Variants in TBPL2 observed in about 807,000 individuals in gnomAD.
TBPL2 encodes TATA box-binding protein-like 2.
A neutral mutation model predicts 38.2 loss-of-function variants in TBPL2; 40 were observed. That is an observed-to-expected ratio of 1.05 (90% CI 0.81 to 1.36). The LOEUF (loss-of-function observed/expected upper bound fraction) is 1.36. Ranked by LOEUF, TBPL2 falls within the 40% of genes most tolerant of loss-of-function variation. The pLI is 0.00. For synonymous variants in TBPL2, 169 were observed against 171.7 expected, an observed-to-expected ratio of 0.98 and a Z score of 0.12; for missense variants, 461 against 456.7, an observed-to-expected ratio of 1.01 and a Z score of -0.09.
exon 7 of TBPL2, chr14:55,414,424 T>G: frequency 6.2e-7 from 1 of 1,609,092 alleles, no homozygotes; most frequent in Non-Finnish European, 8.5e-7. Flanking sequence ...TGTTTTCAAA[T>G]GCTTCATAGA....
rs554024000 is a variant in TBPL2, at chr14:55,414,444, G to A, written c.1063C>T (p.Arg355Cys). 3.7e-6 allele frequency: 6 copies of A among 1,604,254 alleles called. No individual in the cohort carries two copies. In the Admixed American group the frequency reaches 5.1e-5, roughly 14 times the overall value. ...TCAAATGCTTCATAGATCTCAGAAC[G>A]TTCTTTGGCACCTATAAAGAAATCC... The change falls in exon 7 of 7, where the codon CGT (arginine) becomes TGT (cysteine). Residue 355 changes from arginine to cysteine, a missense_variant. By Grantham distance (180) the Arg-to-Cys change is radical. Coordinates refer to ENST00000247219, the Ensembl canonical transcript of TBPL2.
chr14:55,432,497 A>C (rs1246698263), intron 4 of TBPL2, among the ~76,000 whole-genome samples: 2 of 150,168 alleles, frequency 1.3e-5, no homozygotes, highest in East Asian at 3.9e-4. Context: ...AAATATTTAC[A>C]GTATAAAATG....
intron 5 of TBPL2, 101 bp downstream of exon 5, chr14:55,428,706 T>A: frequency 7.6e-7 from 1 of 1,322,638 alleles, no homozygotes; most frequent in South Asian, 1.5e-5. Flanking sequence ...GCCTTTTTTT[T>A]TTTAATCACA....
intron 5 of TBPL2, among the ~76,000 whole-genome samples, chr14:55,424,895 G>A (rs1224837353): frequency 1.3e-5 from 2 of 152,200 alleles, no homozygotes; most frequent in Admixed American, 6.5e-5. Flanking sequence ...GCCTGGAGAG[G>A]AGGGCAGATT....
intron 6 of TBPL2, among the ~76,000 whole-genome samples, chr14:55,423,833 G>C (rs1276131037): frequency 6.6e-6 from 1 of 152,146 alleles, no homozygotes; most frequent in Non-Finnish European, 1.5e-5. Context: ...GTTAACCCCT[G>C]TGTTAGGACC....
chr14:55,421,282 T>G (rs1885740719), intron 6 of TBPL2, among the ~76,000 whole-genome samples: 1 of 152,146 alleles, frequency 6.6e-6, no homozygotes, highest in African/African-American at 2.4e-5. Flanking sequence ...GCCTCTGATA[T>G]CTACACTATT....
In TBPL2 at chr14:55,422,487, A is replaced by G. The variant is rs114700083; in HGVS notation, c.1051+1672T>C. ...GCTCATCTTGAACTCCTGACCTCAT[A>G]ATTCGCCTGCCTCGGCCTCCCGAAG... On this transcript the variant is annotated intron_variant, in intron 6 of 6. Transcript: ENST00000247219. Among the ~76,000 whole-genome samples, 1,313 of 152,030 alleles carry G rather than the reference A, an allele frequency of 8.6e-3. 17 individuals are homozygous for G. The highest frequency in any genetic ancestry group is 0.03 in the African/African-American group (1,241 of 41,460).
chr14:55,420,509 AGAT>A (rs66506675), intron 6 of TBPL2, among the ~76,000 whole-genome samples: 14,217 of 152,254 alleles, frequency 0.093, 669 homozygotes, highest in South Asian at 0.11. Flanking sequence ...AAACGCCAAG[AGAT>A]GATAATTATT....
exon 2 of TBPL2, chr14:55,436,821 A>G: frequency 1.2e-6 from 2 of 1,614,234 alleles, no homozygotes; most frequent in Non-Finnish European, 1.7e-6. Context: ...CGTGTTTGCT[A>G]ATGACAGGCT....
chr14:55,430,774 C>A (rs183895594), intron 4 of TBPL2, among the ~76,000 whole-genome samples: 73 of 152,364 alleles, frequency 4.8e-4, no homozygotes, highest in African/African-American at 1.7e-3. Flanking sequence ...ACCCACTTCT[C>A]ACTCTTGAAA....
intron 6 of TBPL2, among the ~76,000 whole-genome samples, chr14:55,422,790 T>C (rs1001778362): frequency 2.0e-5 from 3 of 151,832 alleles, no homozygotes; most frequent in African/African-American, 7.3e-5. Flanking sequence ...GAGGTGGAGG[T>C]TGCAGTGAGC....
exon 7 of TBPL2, chr14:55,414,426 C>T: frequency 1.2e-6 from 2 of 1,608,154 alleles, no homozygotes; most frequent in Non-Finnish European, 1.7e-6. Context: ...TTTTCAAATG[C>T]TTCATAGATC....
intron 6 of TBPL2, among the ~76,000 whole-genome samples, chr14:55,421,338 G>A (rs1403730420): frequency 1.3e-5 from 2 of 152,148 alleles, no homozygotes; most frequent in East Asian, 1.9e-4. Context: ...GACATGTAGA[G>A]GTAAACTTTA....
At position 55,426,713 on chromosome 14, in the gene TBPL2, TAAAAA is replaced by T. The variant is rs112962777; in HGVS notation, c.956+2089_956+2093del. 2.5e-4 allele frequency among the ~76,000 whole-genome samples: 37 copies of T among 145,846 alleles called. 4 individuals are homozygous for T. Among genetic ancestry groups the T allele is most frequent in the Admixed American group, 1.4e-3 (21 of 14,918 alleles). On this transcript the variant is annotated intron_variant, in intron 5 of 6. Coordinates refer to ENST00000247219, the Ensembl canonical transcript of TBPL2. The stretch of plus-strand genomic sequence containing the variant: ...TACAAAGCAAGCTTCCTGGCCAGAT[TAAAAA>T]AAAAAAAAGAAAAGAAAAGAAAAGA...
At chr14:55,437,897 T>C (rs1886041399) in intron 1 of TBPL2, among the ~76,000 whole-genome samples, 1 of 152,252 alleles carries the variant, frequency 6.6e-6, no homozygotes, top group South Asian at 2.1e-4. Flanking sequence ...AAAAAAGTTA[T>C]TGAAACTTAA....
At chr14:55,419,289 A>G (rs914182893) in intron 6 of TBPL2, among the ~76,000 whole-genome samples, 3 of 152,238 alleles carry the variant, frequency 2.0e-5, no homozygotes, top group Admixed American at 6.5e-5. Context: ...ACTTAGGTAT[A>G]AAGTACAACT....
intron 3 of TBPL2, among the ~76,000 whole-genome samples, chr14:55,435,294 T>C (rs1223889143): frequency 6.6e-6 from 1 of 151,660 alleles, no homozygotes; most frequent in Non-Finnish European, 1.5e-5. Flanking sequence ...TTTTTTTTTT[T>C]GGAGACGGAG....
At position 55,433,824 on chromosome 14, in the gene TBPL2, G is replaced by A. The variant is rs1566594640; in HGVS notation, c.697-103C>T. 2.5e-5 allele frequency: 24 copies of A among 970,372 alleles called. 1 individual carries two copies. In the South Asian group the frequency reaches 4.5e-4, roughly 18 times the overall value. 60.1% of individuals were successfully genotyped at this position (970,372 alleles called of 1,614,324 possible). On this transcript the variant is annotated intron_variant, in intron 3 of 6. Transcript: ENST00000247219. The stretch of plus-strand genomic sequence containing the variant: ...TGAAAATCTCAAACAGATTGGATGG[G>A]AAAACTAAATGTCTGGGTCTTTTCT...
chr14:55,417,386 T>A (rs1355427731), intron 6 of TBPL2, among the ~76,000 whole-genome samples: 1 of 149,238 alleles, frequency 6.7e-6, no homozygotes, highest in Non-Finnish European at 1.5e-5. Flanking sequence ...ATAGTCCTAT[T>A]AATAATCAAT....
Sources: allele counts gnomAD v4.1 joint callset (sites outside exome capture counted in the v4.1 genomes callset), GRCh38; gene constraint gnomAD v4.1.1; transcripts MANE v1.5; gene names NCBI Gene and HGNC (gene_info 2026-07-23, HGNC 2026-07-21).